Variants in TIGAR observed in about 807,000 individuals in gnomAD.
TIGAR encodes the protein TP53 induced glycolysis regulatory phosphatase.
TIGAR carries 7 observed loss-of-function variants against 17.9 expected under a neutral mutation model. The ratio of observed to expected loss-of-function variants is 0.39; its 90% CI spans 0.22 to 0.73. The LOEUF (loss-of-function observed/expected upper bound fraction) is 0.73, where lower values mean the gene tolerates loss of function less well. Ranked by LOEUF, TIGAR falls within the 30% of genes least tolerant of loss-of-function variation. The pLI, the probability that TIGAR is intolerant of heterozygous loss-of-function variation, is 0.42. For synonymous variants in TIGAR, 94 were observed against 108.6 expected (o/e 0.87, Z 0.84); for missense variants, 258 against 327.4 (o/e 0.79, Z 1.64).
chr12:4,325,678 G>A (rs1000201912), intron 1 of TIGAR, among the ~76,000 whole-genome samples: 2 of 149,248 alleles, frequency 1.3e-5, no homozygotes, highest in Non-Finnish European at 3.0e-5. Context: ...GGAGGTAGAG[G>A]TTGCAGTGAG....
intron 3 of TIGAR, among the ~76,000 whole-genome samples, chr12:4,343,452 A>G (rs909000046): frequency 3.9e-5 from 6 of 152,234 alleles, no homozygotes; most frequent in African/African-American, 1.2e-4. Flanking sequence ...ACCACACTGC[A>G]CTTATTCCAA....
intron 3 of TIGAR, among the ~76,000 whole-genome samples, chr12:4,340,259 C>T (rs576689630): frequency 1.3e-5 from 2 of 152,052 alleles, no homozygotes; most frequent in African/African-American, 2.4e-5. Flanking sequence ...TTTGAATATG[C>T]CAACAATGAA....
At position 4,321,247 on chromosome 12, in the gene TIGAR, A is replaced by G. The variant is rs748904179; in HGVS notation, c.-25A>G. On this transcript the variant is annotated 5_prime_UTR_variant, in exon 1 of 6. Coordinates refer to ENST00000179259, the MANE Select transcript of TIGAR (RefSeq NM_020375.3). This position sits in a 1 kb window ranked among gnomAD's most constrained non-coding sequence, Gnocchi z 5.2. ...TGCAGGGGCAGCGCGGCGCGGGGCC[A>G]CCGACGGGACGCGGCTCCGGGAACA... The G allele has an allele frequency of 4.4e-6, 7 of 1,600,312 alleles. No homozygotes were observed. The highest frequency in any genetic ancestry group is 1.1e-5 in the South Asian group (1 of 91,080).
chr12:4,324,927 G>GT, intron 1 of TIGAR: 1 of 247,310 alleles, frequency 4.0e-6, no homozygotes, highest in Non-Finnish European at 7.2e-6. Flanking sequence ...AATTAGTAAA[G>GT]TTTTTTTGTT....
At chr12:4,329,867 C>A (rs1864586189) in intron 1 of TIGAR, among the ~76,000 whole-genome samples, 2 of 152,154 alleles carry the variant, frequency 1.3e-5, no homozygotes, top group Admixed American at 1.3e-4. Flanking sequence ...AGGATAGACA[C>A]AGAGCTAAAA....
chr12:4,344,701 A>G (rs1007266918), intron 3 of TIGAR, among the ~76,000 whole-genome samples: 1 of 152,162 alleles, frequency 6.6e-6, no homozygotes, highest in African/African-American at 2.4e-5. Context: ...ACTCTCAATA[A>G]ATTAGATATT....
chr12:4,344,915 A>G (rs1356022730), intron 3 of TIGAR, among the ~76,000 whole-genome samples: 1 of 152,218 alleles, frequency 6.6e-6, no homozygotes, highest in Non-Finnish European at 1.5e-5. Context: ...AACTTCAGCA[A>G]AGTCTCAGGA....
intron 1 of TIGAR, chr12:4,324,725 A>G (rs1453809757): frequency 3.1e-6 from 2 of 642,474 alleles, no homozygotes; most frequent in African/African-American, 7.0e-5. Context: ...TGCTCGCAGG[A>G]CACGTCCCGT....
intron 1 of TIGAR, among the ~76,000 whole-genome samples, chr12:4,327,323 C>A (rs966472918): frequency 4.0e-5 from 6 of 151,340 alleles, no homozygotes; most frequent in African/African-American, 1.5e-4. Flanking sequence ...GCAGGAGAAT[C>A]GCTTGAATCC....
intron 1 of TIGAR, among the ~76,000 whole-genome samples, chr12:4,323,526 G>A (rs1864504257): frequency 6.6e-6 from 1 of 152,170 alleles, no homozygotes; most frequent in Non-Finnish European, 1.5e-5. Context: ...GTGAGTTAAG[G>A]ACTGATATCC....
rs754504882 is a variant in TIGAR at position 4,359,856 on chromosome 12, C to T, written c.*7165C>T. ...GAGTTCTAGGTGCTTCACATCCTTG[C>T]CAACATTTGTTATTATCAGTTTCTA... On this transcript the variant is annotated 3_prime_UTR_variant, in exon 6 of 6. Transcript: ENST00000179259. Among the ~76,000 whole-genome samples, 5 of 152,060 alleles carry T rather than the reference C, an allele frequency of 3.3e-5. No homozygotes were observed. Among genetic ancestry groups the T allele is most frequent in the South Asian group, 2.1e-4 (1 of 4,820 alleles).
At chr12:4,347,202 G>T (rs1213479133) in intron 3 of TIGAR, among the ~76,000 whole-genome samples, 1 of 152,142 alleles carries the variant, frequency 6.6e-6, no homozygotes, top group Non-Finnish European at 1.5e-5. Context: ...AAACAATGAA[G>T]TACTTTTCAA....
In TIGAR at chr12:4,321,443, C is replaced by T. The variant is rs1012052933; in HGVS notation, c.32+140C>T. 9.5e-6 allele frequency: 12 copies of T among 1,262,402 alleles called. No individual in the cohort carries two copies. The highest frequency in any genetic ancestry group is 1.2e-5 in the Non-Finnish European group (11 of 912,914). 78.2% of individuals were successfully genotyped at this position (1,262,402 alleles called of 1,614,324 possible). A position where few individuals can be genotyped will look rare whatever the true frequency, so the allele number is the denominator to read the frequency against. On this transcript the variant is annotated intron_variant, in intron 1 of 5. Coordinates refer to ENST00000179259, the MANE Select transcript of TIGAR (RefSeq NM_020375.3). The surrounding 1 kb of genome is among the most constrained non-coding windows in gnomAD (Gnocchi z 5.2). ...AGGGCTGGCTTGGAAGCGCTTTTTC[C>T]GGGGCGCTTGCCCTGGGGCCGTCCC...
rs1166324391 is a variant in TIGAR, at chr12:4,357,867, G to C, written c.*5176G>C. Among the ~76,000 whole-genome samples, 1 of 152,120 alleles carries C rather than the reference G, an allele frequency of 6.6e-6. No individual in the cohort carries two copies. ...ACCTGTAATCCCAGCACTTTGGGAGGCCAAGGCGGGCAGATCACGAGGTCA... is the reference window on the plus strand; with the variant it reads ...ACCTGTAATCCCAGCACTTTGGGAGCCCAAGGCGGGCAGATCACGAGGTCA... On this transcript the variant is annotated 3_prime_UTR_variant, in exon 6 of 6. Transcript: ENST00000179259.
At chr12:4,339,230 T>C (rs1416995518) in intron 3 of TIGAR, among the ~76,000 whole-genome samples, 1 of 152,008 alleles carries the variant, frequency 6.6e-6, no homozygotes, top group Non-Finnish European at 1.5e-5. Context: ...TTACAACCAA[T>C]ATCTCAGAAA....
intron 3 of TIGAR, among the ~76,000 whole-genome samples, chr12:4,349,579 G>A (rs12231368): frequency 0.22 from 32,982 of 151,952 alleles, 4,054 homozygotes; most frequent in Admixed American, 0.27. Context: ...CACCACATCC[G>A]GCTAATTTTT....
rs758697931 is a variant in TIGAR at position 4,321,238 on chromosome 12, C to G, written c.-34C>G. 5.6e-6 allele frequency: 9 copies of G among 1,599,142 alleles called. No individual in the cohort carries two copies. Among genetic ancestry groups the G allele is most frequent in the Non-Finnish European group, 7.6e-6 (9 of 1,179,642 alleles). On this transcript the variant is annotated 5_prime_UTR_variant, in exon 1 of 6. Transcript: ENST00000179259. This position sits in a 1 kb window ranked among gnomAD's most constrained non-coding sequence, Gnocchi z 5.2. ...AGCCCGCAGTGCAGGGGCAGCGCGG[C>G]GCGGGGCCACCGACGGGACGCGGCT... is the stretch of plus-strand genomic sequence containing the variant.
chr12:4,346,658 G>T (rs931984473), intron 3 of TIGAR, among the ~76,000 whole-genome samples: 1 of 152,018 alleles, frequency 6.6e-6, no homozygotes, highest in Non-Finnish European at 1.5e-5. Flanking sequence ...TAATGTAAAT[G>T]GCGAGTTAAT....
chr12:4,331,265 CTCTT>C lies in TIGAR; in HGVS notation c.33-11_33-8del. 1 of 1,605,042 alleles carries C rather than the reference CTCTT, an allele frequency of 6.2e-7. No individual in the cohort carries two copies. Among genetic ancestry groups the C allele is most frequent in the Non-Finnish European group, 8.5e-7 (1 of 1,171,826 alleles). ...TAATTTGGCTAATAAGGTTGTCCTTCTCTTTCTATTTTAGTGGAGAAACAAGATT... is the reference window on the plus strand; with the variant it reads ...TAATTTGGCTAATAAGGTTGTCCTTCTCTATTTTAGTGGAGAAACAAGATT... On this transcript the variant is annotated splice_polypyrimidine_tract_variant and intron_variant, in intron 1 of 5. Coordinates refer to ENST00000179259, the MANE Select transcript of TIGAR (RefSeq NM_020375.3).
Sources: gnomAD v4.1 joint callset for allele counts (sites outside exome capture counted in the v4.1 genomes callset) on GRCh38, gnomAD v4.1.1 for gene constraint, Gnocchi (gnomAD v3.1) non-coding constraint, MANE v1.5 for transcripts, NCBI Gene and HGNC (gene_info 2026-07-23, HGNC 2026-07-21) for gene names.